FA2H: variants seen among roughly 807,000 people sequenced by gnomAD.
FA2H encodes the protein fatty acid 2-hydroxylase.
Under a neutral mutation model 44.9 loss-of-function variants are expected in FA2H, and 22 were observed. That is an observed-to-expected ratio of 0.49 (90% CI 0.35 to 0.70). The LOEUF (loss-of-function observed/expected upper bound fraction) is 0.70. Among genes scored for constraint, FA2H ranks in the 30% least tolerant of loss-of-function variants. FA2H has a pLI of 0.01. For synonymous variants in FA2H, 243 were observed against 213.2 expected, an observed-to-expected ratio of 1.14 and a Z score of -1.22; for missense variants, 501 against 504.9, an observed-to-expected ratio of 0.99 and a Z score of 0.07.
At chr16:74,747,742 A>C (rs2144644014) in intron 1 of FA2H, among the ~76,000 whole-genome samples, 1 of 152,134 alleles carries the variant, frequency 6.6e-6, no homozygotes, top group East Asian at 1.9e-4. Flanking sequence ...TGTCCTCAGA[A>C]GGAACCAACC....
chr16:74,727,307 G>C lies in FA2H; in HGVS notation c.443C>G (p.Pro148Arg). The C allele has an allele frequency of 6.2e-7, 1 of 1,614,086 alleles. No individual in the cohort carries two copies. Among genetic ancestry groups the C allele is most frequent in the Non-Finnish European group, 8.5e-7 (1 of 1,179,968 alleles). The change falls in exon 3 of 7, where the codon CCG becomes CGG. Residue 148 changes from proline (P) to arginine (R), a missense_variant. By Grantham distance (103) the Pro-to-Arg change is moderately radical. Transcript: ENST00000219368. ...GEKYDEWVHQPVTRPIRLFHS... is the reference protein window; with the variant it reads ...GEKYDEWVHQRVTRPIRLFHS... ...GAAGAGGCGGATGGGCCTGGTCACC[G>C]GCTGGTGAACCCACTCATCGTACTT...
At chr16:74,763,645 A>G (rs1292923722) in intron 1 of FA2H, among the ~76,000 whole-genome samples, 1 of 152,246 alleles carries the variant, frequency 6.6e-6, no homozygotes, top group Non-Finnish European at 1.5e-5. Context: ...ACATCATTCA[A>G]TGCTAAGCAA....
intron 1 of FA2H, among the ~76,000 whole-genome samples, chr16:74,768,432 C>T (rs1343933946): frequency 6.6e-6 from 1 of 152,142 alleles, no homozygotes; most frequent in African/African-American, 2.4e-5. Context: ...CGACTGGCAC[C>T]ACAGCAGGCC....
chr16:74,714,196 C>T lies in FA2H; in HGVS notation c.1113G>A (p.Thr371=), dbSNP rs140017632. 4 of 1,559,854 alleles carry T rather than the reference C, an allele frequency of 2.6e-6. No homozygotes were observed. Among genetic ancestry groups the T allele is most frequent in the East Asian group, 2.4e-5 (1 of 41,728 alleles). ...ACGGAGGGGGTGGGAGTTGTCACTG[C>T]GTCTTCAGGTGGGGTTTCTCTGGAG... ...TLTPEKPHLK[T]Q is the part of the protein sequence containing the mutation. Residue 371 remains threonine, a synonymous_variant, in exon 7 of 7, where the codon ACG becomes ACA. Coordinates refer to ENST00000219368, the MANE Select transcript of FA2H (RefSeq NM_024306.5).
chr16:74,742,940 G>T (rs1389408445), intron 1 of FA2H, among the ~76,000 whole-genome samples: 1 of 152,106 alleles, frequency 6.6e-6, no homozygotes, highest in African/African-American at 2.4e-5. Context: ...AGGATAAAAG[G>T]CAGTTCTTTC....
chr16:74,732,444 CT>C (rs202152909), intron 2 of FA2H, among the ~76,000 whole-genome samples: 7 of 148,348 alleles, frequency 4.7e-5, no homozygotes, highest in Admixed American at 2.0e-4. Flanking sequence ...TTTTCTTTTT[CT>C]TTTTTTTTTA....
Position 74,719,593 on chromosome 16 carries a change from A to G in FA2H, c.614-433T>C, listed in dbSNP as rs569264127. 2.0e-5 allele frequency among the ~76,000 whole-genome samples: 3 copies of G among 152,280 alleles called. No individual in the cohort carries two copies. In the East Asian group the frequency reaches 5.8e-4, roughly 29 times the overall value. ...CTGGAGTGCTGGAGTGCTGGAGGGC[A>G]GTGGTGTGATTACAGCTTACTGCAG... On this transcript the variant is annotated intron_variant, in intron 4 of 6. Coordinates refer to ENST00000219368, the MANE Select transcript of FA2H (RefSeq NM_024306.5).
intron 4 of FA2H, among the ~76,000 whole-genome samples, chr16:74,725,765 C>T (rs1354811910): frequency 6.6e-6 from 1 of 152,202 alleles, no homozygotes; most frequent in Non-Finnish European, 1.5e-5. Flanking sequence ...GAGCCTTTGC[C>T]TTGGACACAC....
intron 1 of FA2H, among the ~76,000 whole-genome samples, chr16:74,743,958 C>T (rs926997950): frequency 1.3e-5 from 2 of 152,090 alleles, no homozygotes; most frequent in African/African-American, 4.8e-5. Flanking sequence ...GTTCATTAAT[C>T]GATTTTCTCA....
intron 1 of FA2H, among the ~76,000 whole-genome samples, chr16:74,768,518 C>G (rs1445204249): frequency 6.6e-6 from 1 of 152,226 alleles, no homozygotes; most frequent in African/African-American, 2.4e-5. Context: ...GGGATGCCCC[C>G]TTAGAGGCCA....
chr16:74,720,478 G>A (rs543752710), intron 4 of FA2H, among the ~76,000 whole-genome samples: 1 of 151,850 alleles, frequency 6.6e-6, no homozygotes, highest in African/African-American at 2.4e-5. Context: ...TTACAGATAT[G>A]AGCCACCGTG....
Position 74,774,685 on chromosome 16 carries a change from G to A in FA2H, c.71C>T (p.Ala24Val), listed in dbSNP as rs762615677. ...GCGGGCCCCGCGGCGGACCCAGCAC[G>A]CGCCGGCCGCCAGGCGCCGCTGGAC... is the stretch of plus-strand genomic sequence containing the variant. Reference protein sequence around the residue: ...SEVQRRLAAGACWVRRGARLY... With the variant: ...SEVQRRLAAGVCWVRRGARLY... The change falls in exon 1 of 7, where the codon GCG becomes GTG. Residue 24 changes from alanine (A) to valine (V), a missense_variant. By Grantham distance (64) the Ala-to-Val change is moderately conservative. Transcript: ENST00000219368. 4 of 1,390,044 alleles carry A rather than the reference G, an allele frequency of 2.9e-6. No homozygotes were observed. Among genetic ancestry groups the A allele is most frequent in the South Asian group, 1.7e-5 (1 of 59,672 alleles). The allele number at this position is 1,390,044 out of a possible 1,614,324, so 86.1% of individuals were successfully genotyped here.
At chr16:74,773,574 C>T (rs913633941) in intron 1 of FA2H, among the ~76,000 whole-genome samples, 1 of 152,168 alleles carries the variant, frequency 6.6e-6, no homozygotes, top group Admixed American at 6.6e-5. Flanking sequence ...TGGACTAGGT[C>T]TGTCTCCTCC....
chr16:74,765,904 G>A (rs1962800939), intron 1 of FA2H, among the ~76,000 whole-genome samples: 1 of 152,180 alleles, frequency 6.6e-6, no homozygotes, highest in Non-Finnish European at 1.5e-5. Flanking sequence ...GCCTGTGTGT[G>A]CTAGAGAAAT....
intron 1 of FA2H, among the ~76,000 whole-genome samples, chr16:74,741,525 T>C (rs1267839429): frequency 6.6e-6 from 1 of 151,986 alleles, no homozygotes; most frequent in Non-Finnish European, 1.5e-5. Context: ...CAGGCTGGGG[T>C]GCAACAGCCC....
chr16:74,713,534 G>A lies in FA2H; in HGVS notation c.*656C>T, dbSNP rs888048750. 5 of 152,356 alleles carry A rather than the reference G, an allele frequency of 3.3e-5. No homozygotes were observed. Among genetic ancestry groups the A allele is most frequent in the African/African-American group, 9.7e-5 (4 of 41,450 alleles). The allele number at this position is 152,356 out of a possible 1,614,324, so 9.4% of individuals were successfully genotyped here. On this transcript the variant is annotated 3_prime_UTR_variant, in exon 7 of 7. Coordinates refer to ENST00000219368, the MANE Select transcript of FA2H (RefSeq NM_024306.5). ...GGCTGTGATTCTGGAGGCAGGGGAG[G>A]GACGGCAAGAAAAGCTGCCAGGTCC...
At chr16:74,742,833 T>C (rs1270822705) in intron 1 of FA2H, among the ~76,000 whole-genome samples, 2 of 152,018 alleles carry the variant, frequency 1.3e-5, no homozygotes, top group African/African-American at 4.8e-5. Context: ...AGTAAGACCT[T>C]GTCTCAAAAA....
At chr16:74,750,721 C>T (rs1962511149) in intron 1 of FA2H, among the ~76,000 whole-genome samples, 1 of 150,972 alleles carries the variant, frequency 6.6e-6, no homozygotes, top group Non-Finnish European at 1.5e-5. Flanking sequence ...TTCTAGAAGA[C>T]AAGTCCATTG....
At chr16:74,756,717 GAA>G (rs1279845336) in intron 1 of FA2H, among the ~76,000 whole-genome samples, 2 of 152,148 alleles carry the variant, frequency 1.3e-5, no homozygotes, top group African/African-American at 4.8e-5. Context: ...ACTGATATGT[GAA>G]AAGAGTAGGT....
Sources: gnomAD v4.1 joint callset for allele counts (sites outside exome capture counted in the v4.1 genomes callset) on GRCh38, gnomAD v4.1.1 for gene constraint, MANE v1.5 for transcripts, NCBI Gene and HGNC (gene_info 2026-07-23, HGNC 2026-07-21) for gene names.